The following NUP153 variants were observed in gnomAD, a reference collection of about 807,000 sequenced individuals.
The protein encoded by NUP153 is nuclear pore complex protein Nup153.
In NUP153, 27 loss-of-function variants were observed where a neutral mutation model predicts 134.6. The ratio of observed to expected loss-of-function variants is 0.20; its 90% CI spans 0.15 to 0.28. The LOEUF is 0.28. Ranked by LOEUF, NUP153 falls within the 10% of genes least tolerant of loss-of-function variation. The probability of loss-of-function intolerance (pLI) is 1.00; values close to 1 mark genes in which losing one functional copy is unlikely to be tolerated. For missense variants in NUP153, 1,821 were observed against 1,731.3 expected (o/e 1.05, Z -0.92); for synonymous variants, 640 against 623.5 (o/e 1.03, Z -0.40).
chr6:17,681,735 G>C (rs1001992536), intron 2 of NUP153, among the ~76,000 whole-genome samples: 5 of 152,100 alleles, frequency 3.3e-5, no homozygotes, highest in African/African-American at 1.2e-4. Context: ...ATGTTTCCCA[G>C]GGTATCAAGT....
intron 1 of NUP153, among the ~76,000 whole-genome samples, chr6:17,701,344 T>A (rs1194627011): frequency 6.6e-6 from 1 of 151,822 alleles, no homozygotes; most frequent in South Asian, 2.1e-4. Context: ...CCTGGCCAAC[T>A]TGGTGAAACC....
chr6:17,628,923 C>G lies in NUP153; in HGVS notation c.3276G>C (p.Leu1092=), dbSNP rs766620970. 1.2e-6 allele frequency: 2 copies of G among 1,614,192 alleles called. No individual in the cohort carries two copies. The highest frequency in any genetic ancestry group is 1.7e-6 in the Non-Finnish European group (2 of 1,180,030). The part of the protein sequence containing the change: ...FSFGNVEPAS[L]PSASVFVLGR... ...CCAAAACAAACACTGAGGCAGATGGCAGAGAGGCAGGCTCCACGTTGCCAA... is the reference window on the plus strand; with the variant it reads ...CCAAAACAAACACTGAGGCAGATGGGAGAGAGGCAGGCTCCACGTTGCCAA... Residue 1092 remains leucine (L), a synonymous_variant, in exon 18 of 22, where the codon CTG becomes CTC. Transcript: ENST00000262077. The surrounding 1 kb of genome is among the most constrained non-coding windows in gnomAD (Gnocchi z 5.4).
intron 11 of NUP153, among the ~76,000 whole-genome samples, chr6:17,657,966 T>C (rs1446399561): frequency 1.3e-5 from 2 of 152,240 alleles, no homozygotes; most frequent in South Asian, 2.1e-4. Context: ...GAAATGATGT[T>C]AGACAAAAGA....
At position 17,688,617 on chromosome 6, in the gene NUP153, C is replaced by T; in HGVS notation, c.113G>A (p.Gly38Asp). 1 of 1,602,944 alleles carries T rather than the reference C, an allele frequency of 6.2e-7. No homozygotes were observed. The highest frequency in any genetic ancestry group is 8.5e-7 in the Non-Finnish European group (1 of 1,171,574). Residue 38 changes from glycine to aspartate, a missense_variant and splice_region_variant, in exon 2 of 22, where the codon GGC becomes GAC. Physicochemically the swap from Gly to Asp is moderately conservative, Grantham distance 94 (BLOSUM62 -1). Coordinates refer to ENST00000262077, the MANE Select transcript of NUP153 (RefSeq NM_005124.4). ...AGATTCTGTAACCCTGCTAAGAATG[C>T]CCTGTTGAGAGAAAAAACATATTAT... Reference protein sequence around the residue: ...PYQQGRQQHQGILSRVTESVK... With the variant: ...PYQQGRQQHQDILSRVTESVK...
chr6:17,622,115 GT>G (rs963487701), intron 20 of NUP153, among the ~76,000 whole-genome samples: 6 of 152,064 alleles, frequency 3.9e-5, no homozygotes, highest in Non-Finnish European at 8.8e-5. Context: ...TTTGTTTTGT[GT>G]TTTTTTGGAC....
At position 17,706,086 on chromosome 6, in the gene NUP153, G is replaced by A. The variant is rs551808010; in HGVS notation, c.111+191C>T. Among the ~76,000 whole-genome samples the A allele has an allele frequency of 6.6e-6, 1 of 152,280 alleles. No individual in the cohort carries two copies. The highest frequency in any genetic ancestry group is 2.4e-5 in the African/African-American group (1 of 41,558). On this transcript the variant is annotated intron_variant, in intron 1 of 21. Transcript: ENST00000262077. This position sits in a 1 kb window ranked among gnomAD's most constrained non-coding sequence, Gnocchi z 5.9. ...GCGGCCCAAACCACACGTGTGCGCCGCAAGGCTGGGCCTGTCTCAGCCCAC... is the reference window on the plus strand; with the variant it reads ...GCGGCCCAAACCACACGTGTGCGCCACAAGGCTGGGCCTGTCTCAGCCCAC...
At chr6:17,632,874 G>C in intron 16 of NUP153, 30 bp from the exon 17 acceptor site, 1 of 1,463,698 alleles carries the variant, frequency 6.8e-7, no homozygotes, top group South Asian at 1.3e-5. Flanking sequence ...CGGGGAGTGG[G>C]GGGAGATTTC....
intron 20 of NUP153, among the ~76,000 whole-genome samples, chr6:17,619,937 A>C (rs1764559397): frequency 6.6e-6 from 1 of 152,046 alleles, no homozygotes; most frequent in Non-Finnish European, 1.5e-5. Context: ...GTCTCTACTA[A>C]AAATACAAAA....
At chr6:17,618,991 T>C (rs1363689355) in intron 20 of NUP153, among the ~76,000 whole-genome samples, 1 of 151,842 alleles carries the variant, frequency 6.6e-6, no homozygotes, top group African/African-American at 2.4e-5. Flanking sequence ...TCAGGAAAAT[T>C]CCCCAAAATG....
chr6:17,630,594 T>G (rs190340875), intron 17 of NUP153, among the ~76,000 whole-genome samples: 2 of 151,404 alleles, frequency 1.3e-5, no homozygotes, highest in Non-Finnish European at 2.9e-5. Context: ...GCCCGGGAGG[T>G]AGAAGTTGCA....
At chr6:17,673,833 AC>A (rs780115815) in intron 5 of NUP153, among the ~76,000 whole-genome samples, 6 of 152,108 alleles carry the variant, frequency 3.9e-5, no homozygotes, top group Admixed American at 6.6e-5. Context: ...TTACCATATG[AC>A]CCATCAATTC....
At chr6:17,664,522 A>G (rs1767397287) in intron 9 of NUP153, among the ~76,000 whole-genome samples, 1 of 152,170 alleles carries the variant, frequency 6.6e-6, no homozygotes, top group African/African-American at 2.4e-5. Context: ...TATGGACTGG[A>G]TATTAGATAA....
At chr6:17,702,221 T>C (rs997064747) in intron 1 of NUP153, among the ~76,000 whole-genome samples, 4 of 152,164 alleles carry the variant, frequency 2.6e-5, no homozygotes, top group African/African-American at 7.2e-5. Context: ...AATGACACCA[T>C]TTCTGGCCGG....
chr6:17,616,931 T>C (rs975056273), intron 20 of NUP153, among the ~76,000 whole-genome samples: 4 of 152,148 alleles, frequency 2.6e-5, no homozygotes, highest in African/African-American at 7.2e-5. Context: ...TTTTGTATTT[T>C]AGTAGAGACG....
intron 16 of NUP153, among the ~76,000 whole-genome samples, chr6:17,634,600 C>G (rs1291854907): frequency 3.9e-5 from 6 of 152,140 alleles, no homozygotes; most frequent in Admixed American, 6.5e-5. Flanking sequence ...CCACGCCCAG[C>G]TAATTTTTGT....
chr6:17,670,090 T>A (rs1314630773), intron 5 of NUP153, among the ~76,000 whole-genome samples: 4 of 99,734 alleles, frequency 4.0e-5, no homozygotes, highest in African/African-American at 1.4e-4. Flanking sequence ...AGCGAGACTC[T>A]TTCTCAAAAA....
chr6:17,657,238 G>A (rs1029313099), intron 11 of NUP153, among the ~76,000 whole-genome samples: 4 of 151,538 alleles, frequency 2.6e-5, no homozygotes, highest in East Asian at 3.9e-4. Context: ...TTATTTGTCC[G>A]GTATACTAAA....
chr6:17,658,184 G>GAGT (rs1766951037), intron 11 of NUP153, among the ~76,000 whole-genome samples: 2 of 152,204 alleles, frequency 1.3e-5, no homozygotes, highest in African/African-American at 4.8e-5. Context: ...CAGATCATTT[G>GAGT]TCAGGAGTTC....
intron 1 of NUP153, among the ~76,000 whole-genome samples, chr6:17,703,606 G>A (rs1440175994): frequency 6.6e-6 from 1 of 150,612 alleles, no homozygotes; most frequent in Non-Finnish European, 1.5e-5. Context: ...TAGACCCTAT[G>A]TCCACCAAAG....
Sources: allele counts gnomAD v4.1 joint callset (sites outside exome capture counted in the v4.1 genomes callset), GRCh38; gene constraint gnomAD v4.1.1; non-coding constraint Gnocchi (gnomAD v3.1); transcripts MANE v1.5; gene names NCBI Gene and HGNC (gene_info 2026-07-23, HGNC 2026-07-21).